NELL1: variants seen among roughly 807,000 people sequenced by gnomAD.
NELL1 encodes the protein neural EGFL like 1, also known as protein kinase C-binding protein NELL1.
NELL1 carries 76 observed loss-of-function variants against 107.4 expected under a neutral mutation model. The ratio of observed to expected loss-of-function variants is 0.71; its 90% confidence interval spans 0.59 to 0.86. The LOEUF is 0.86. NELL1 is among the 40% of genes least tolerant of loss of function. The pLI is 0.00. For missense variants in NELL1, 1,024 were observed against 1,005.5 expected (o/e 1.02, Z -0.25); for synonymous variants, 353 against 341.2 (o/e 1.03, Z -0.38).
chr11:21,259,189 C>T (rs1185109320), intron 14 of NELL1, among the ~76,000 whole-genome samples: 3 of 151,876 alleles, frequency 2.0e-5, no homozygotes, highest in Non-Finnish European at 4.4e-5. Flanking sequence ...TTTGGAGACT[C>T]AGCATGAATG....
At chr11:20,783,008 G>A (rs1005494785) in intron 2 of NELL1, among the ~76,000 whole-genome samples, 4 of 152,190 alleles carry the variant, frequency 2.6e-5, no homozygotes, top group African/African-American at 4.8e-5. Context: ...AATATTTCAT[G>A]AGGAAAGTCA....
chr11:20,871,943 T>C (rs11025792), intron 4 of NELL1, among the ~76,000 whole-genome samples: 94,113 of 145,002 alleles, frequency 0.65, 32,953 homozygotes, highest in Non-Finnish European at 0.78. Context: ...GGCATGAACC[T>C]GGGAGGCGGA....
rs188178975 is a variant in NELL1 at position 21,427,461 on chromosome 11, A to G, written c.1645+56513A>G. On this transcript the variant is annotated intron_variant, in intron 15 of 19. Coordinates refer to ENST00000357134, the MANE Select transcript of NELL1 (RefSeq NM_006157.5). ...AACTTTGAAAACTTGGGATATTGCTATCTCCCTCTAAACTTCAATCATGAA... is the reference window on the plus strand; with the variant it reads ...AACTTTGAAAACTTGGGATATTGCTGTCTCCCTCTAAACTTCAATCATGAA... Among the ~76,000 whole-genome samples the G allele has an allele frequency of 8.9e-4, 135 of 152,318 alleles. 3 individuals are homozygous for G. The highest frequency in any genetic ancestry group is 2.5e-4 in the Non-Finnish European group (17 of 68,022).
intron 15 of NELL1, among the ~76,000 whole-genome samples, chr11:21,403,816 T>G (rs1344489180): frequency 6.6e-6 from 1 of 151,636 alleles, no homozygotes; most frequent in Non-Finnish European, 1.5e-5. Context: ...GTGGGAGTCT[T>G]TACAAAGCTG....
At chr11:21,328,093 G>A (rs533544934) in intron 14 of NELL1, among the ~76,000 whole-genome samples, 2 of 152,266 alleles carry the variant, frequency 1.3e-5, no homozygotes, top group African/African-American at 4.8e-5. Context: ...GTGTTAATTA[G>A]CAAGACAATG....
intron 15 of NELL1, among the ~76,000 whole-genome samples, chr11:21,452,806 AAT>A (rs1163784076): frequency 1.3e-5 from 2 of 151,934 alleles, no homozygotes; most frequent in African/African-American, 4.8e-5. Flanking sequence ...CAGTACTATA[AAT>A]TACCTTTTAA....
intron 3 of NELL1, among the ~76,000 whole-genome samples, chr11:20,834,700 CA>C (rs11310054): frequency 0.35 from 47,737 of 136,952 alleles, 8,573 homozygotes; most frequent in African/African-American, 0.52. Context: ...GACTCCGTCT[CA>C]AAAAAAAAAA....
chr11:21,342,724 AG>A (rs1404256822), intron 14 of NELL1, among the ~76,000 whole-genome samples: 2 of 151,444 alleles, frequency 1.3e-5, no homozygotes, highest in Non-Finnish European at 2.9e-5. Context: ...AGAGAGAGAG[AG>A]AAAGAGAAAG....
At chr11:21,341,477 CA>C (rs1850563249) in intron 14 of NELL1, among the ~76,000 whole-genome samples, 1 of 152,178 alleles carries the variant, frequency 6.6e-6, no homozygotes, top group Non-Finnish European at 1.5e-5. Flanking sequence ...CATTTGTAAA[CA>C]AAGCCTCATG....
At chr11:21,022,993 G>T (rs1392221093) in intron 12 of NELL1, among the ~76,000 whole-genome samples, 1 of 152,010 alleles carries the variant, frequency 6.6e-6, no homozygotes, top group Non-Finnish European at 1.5e-5. Flanking sequence ...GAGGACTAGG[G>T]TGATATCTTA....
intron 12 of NELL1, among the ~76,000 whole-genome samples, chr11:21,014,011 C>T (rs1303087166): frequency 2.6e-5 from 4 of 152,012 alleles, no homozygotes; most frequent in Non-Finnish European, 4.4e-5. Flanking sequence ...GAGGAAGACT[C>T]ATTGATATTT....
intron 14 of NELL1, among the ~76,000 whole-genome samples, chr11:21,309,260 G>GTA (rs35920508): frequency 0.017 from 1,743 of 99,632 alleles, 25 homozygotes; most frequent in South Asian, 0.049. Context: ...ATATATATAT[G>GTA]TATATATATA....
At chr11:21,092,676 T>C (rs1382247154) in intron 12 of NELL1, among the ~76,000 whole-genome samples, 1 of 152,152 alleles carries the variant, frequency 6.6e-6, no homozygotes, top group African/African-American at 2.4e-5. Context: ...TTCTACAAAA[T>C]AGCCATTTGT....
intron 9 of NELL1, among the ~76,000 whole-genome samples, chr11:20,930,942 T>C (rs1331719157): frequency 1.3e-5 from 2 of 152,078 alleles, no homozygotes; most frequent in Non-Finnish European, 2.9e-5. Context: ...ATTAAAACAC[T>C]ATTCTAGACA....
intron 14 of NELL1, among the ~76,000 whole-genome samples, chr11:21,349,369 G>T (rs1363019353): frequency 1.3e-5 from 2 of 152,070 alleles, no homozygotes; most frequent in African/African-American, 2.4e-5. Context: ...GAGTCTATTT[G>T]GCAAGTATTG....
intron 13 of NELL1, among the ~76,000 whole-genome samples, chr11:21,147,441 C>T (rs988292538): frequency 3.9e-5 from 6 of 152,150 alleles, no homozygotes; most frequent in African/African-American, 9.7e-5. Context: ...ACACAGCTAT[C>T]TTAGCTCTGC....
At chr11:21,084,234 A>C (rs1854336548) in intron 12 of NELL1, among the ~76,000 whole-genome samples, 1 of 152,268 alleles carries the variant, frequency 6.6e-6, no homozygotes, top group Admixed American at 6.5e-5. Context: ...TCCTGGACAT[A>C]TGTGCATCAA....
Position 20,669,892 on chromosome 11 carries a change from C to T in NELL1, c.55+114C>T, listed in dbSNP as rs1008828373. The T allele has an allele frequency of 6.0e-5, 51 of 847,328 alleles. No homozygotes were observed. In the East Asian group the frequency reaches 6.3e-4, roughly 10 times the overall value. The allele number at this position is 847,328 out of a possible 1,614,324, so 52.5% of individuals were successfully genotyped here. On this transcript the variant is annotated intron_variant, in intron 1 of 19. Transcript: ENST00000357134. The surrounding 1 kb of genome is among the most constrained non-coding windows in gnomAD (Gnocchi z 4.4). ...GCGCTGGTCTGGGGAACGGCGGTAG[C>T]GTGGACCGGTTCCTGGGATCTCTTT...
At chr11:21,078,579 T>G (rs939141612) in intron 12 of NELL1, among the ~76,000 whole-genome samples, 6 of 152,280 alleles carry the variant, frequency 3.9e-5, no homozygotes, top group African/African-American at 1.4e-4. Context: ...ATTTCACATG[T>G]GAGTCTGAAG....
Sources: gnomAD v4.1 joint callset for allele counts (sites outside exome capture counted in the v4.1 genomes callset) on GRCh38, gnomAD v4.1.1 for gene constraint, Gnocchi (gnomAD v3.1) non-coding constraint, MANE v1.5 for transcripts, NCBI Gene and HGNC (gene_info 2026-07-23, HGNC 2026-07-21) for gene names.